The following CELF2 variants were observed in gnomAD, a reference collection of about 807,000 sequenced individuals.
CELF2 encodes CUGBP Elav-like family member 2.
CELF2 carries 8 observed loss-of-function variants against 62.6 expected under a neutral mutation model. The observed-to-expected ratio is 0.13, with a 90% CI of 0.07 to 0.23. The LOEUF (loss-of-function observed/expected upper bound fraction) is 0.23, where lower values mean the gene tolerates loss of function less well. Among genes scored for constraint, CELF2 ranks in the 10% least tolerant of loss-of-function variants. CELF2 has a pLI of 1.00. For synonymous variants in CELF2, 258 were observed against 250.0 expected (o/e 1.03, Z -0.30); for missense variants, 333 against 671.0 (o/e 0.50, Z 5.56).
intron 2 of CELF2, among the ~76,000 whole-genome samples, chr10:10,942,529 A>C (rs2047164246): frequency 6.6e-6 from 1 of 152,192 alleles, no homozygotes; most frequent in Non-Finnish European, 1.5e-5. Flanking sequence ...CTTCCATTGT[A>C]AGAAACAAGA....
chr10:10,966,789 T>A (rs887722402), intron 2 of CELF2: 1 of 152,154 alleles, frequency 6.6e-6, no homozygotes, highest in Non-Finnish European at 1.5e-5. Context: ...TGTATCCCCG[T>A]GCCCCGGAGC....
the CELF2 span, among the ~76,000 whole-genome samples, chr10:10,707,059 G>T: frequency 6.6e-6 from 1 of 152,154 alleles, no homozygotes. Context: ...AACCCTAGGG[G>T]GTCAATGCTG....
intron 2 of CELF2, among the ~76,000 whole-genome samples, chr10:11,166,211 C>G (rs1222178016): frequency 6.6e-6 from 1 of 152,202 alleles, no homozygotes; most frequent in Non-Finnish European, 1.5e-5. Flanking sequence ...TCCTGGGGGT[C>G]AGGTGGGGAC....
At chr10:11,262,910 G>GCAT (rs2081089757) in intron 5 of CELF2, among the ~76,000 whole-genome samples, 1 of 107,508 alleles carries the variant, frequency 9.3e-6, no homozygotes, top group East Asian at 3.3e-4. Context: ...AGAGGCCCTG[G>GCAT]CATTGTTCAT....
At chr10:11,022,815 T>C (rs888487779) in intron 1 of CELF2, among the ~76,000 whole-genome samples, 4 of 152,206 alleles carry the variant, frequency 2.6e-5, no homozygotes, top group African/African-American at 9.7e-5. Context: ...TTGAGACTTA[T>C]ATGTAGATTA....
At chr10:10,903,106 C>G (rs2063064283) in intron 1 of CELF2, among the ~76,000 whole-genome samples, 1 of 152,164 alleles carries the variant, frequency 6.6e-6, no homozygotes, top group Non-Finnish European at 1.5e-5. Flanking sequence ...CTTTGGAGCT[C>G]CTCAGTACCA....
In CELF2 at chr10:11,244,728, C is replaced by A. The variant is rs952998258; in HGVS notation, c.355-4425C>A. ...TCCTCTGTTGGTTAGGATATCGTATCATTGTTCTTGATCAACAGTAGGGCC... is the reference window on the plus strand; with the variant it reads ...TCCTCTGTTGGTTAGGATATCGTATAATTGTTCTTGATCAACAGTAGGGCC... On this transcript the variant is annotated intron_variant, in intron 3 of 12. Transcript: ENST00000633077. The surrounding 1 kb of genome is among the most constrained non-coding windows in gnomAD (Gnocchi z 4.2). Among the ~76,000 whole-genome samples, 3 of 151,618 alleles carry A rather than the reference C, an allele frequency of 2.0e-5. No homozygotes were observed. Among genetic ancestry groups the A allele is most frequent in the South Asian group, 4.1e-4 (2 of 4,824 alleles).
the CELF2 span, among the ~76,000 whole-genome samples, chr10:10,510,770 G>A: frequency 6.6e-6 from 1 of 152,200 alleles, no homozygotes; most frequent in South Asian, 2.1e-4. Context: ...GCAGTTGATG[G>A]ACTCTTCTGG....
chr10:10,586,132 A>G, the CELF2 span, among the ~76,000 whole-genome samples: 1 of 152,152 alleles, frequency 6.6e-6, no homozygotes, highest in African/African-American at 2.4e-5. Flanking sequence ...TACTCTCACA[A>G]CTCTGAGGCA....
intron 1 of CELF2, among the ~76,000 whole-genome samples, chr10:11,112,970 C>G (rs1296361351): frequency 6.6e-6 from 1 of 152,004 alleles, no homozygotes; most frequent in East Asian, 1.9e-4. Flanking sequence ...CATGCGTAGC[C>G]TATATCTGAA....
rs1269719721 is a variant in CELF2, at chr10:11,332,075, T to G, written c.*3022T>G. The G allele has an allele frequency of 6.6e-6, 1 of 152,240 alleles. No homozygotes were observed. Among genetic ancestry groups the G allele is most frequent in the African/African-American group, 2.4e-5 (1 of 41,460 alleles). The allele number at this position is 152,240 out of a possible 1,614,324, so 9.4% of individuals were successfully genotyped here. On this transcript the variant is annotated 3_prime_UTR_variant, in exon 13 of 13. Transcript: ENST00000633077. ...ACACTACTTTTACTACTTTTGATTA[T>G]TTCTCATTTTTGGGAAAAGAATTCC...
chr10:11,022,860 T>C (rs1270922755), intron 1 of CELF2, among the ~76,000 whole-genome samples: 1 of 152,192 alleles, frequency 6.6e-6, no homozygotes, highest in East Asian at 1.9e-4. Context: ...GAATTTTTTG[T>C]AAAAACCGAC....
chr10:11,145,729 G>A lies in CELF2; in HGVS notation c.75-19757G>A, dbSNP rs2062142995. On this transcript the variant is annotated intron_variant, in intron 1 of 12. Coordinates refer to ENST00000633077, the MANE Select transcript of CELF2 (RefSeq NM_001326342.2). The surrounding 1 kb of genome is among the most constrained non-coding windows in gnomAD (Gnocchi z 4.3). ...TTAGAAAATCCAGCCAGGCCTCTGT[G>A]GTAGATAAGAAGTTGCTTCATTTAT... 6.6e-6 allele frequency among the ~76,000 whole-genome samples: 1 copy of A among 152,102 alleles called. No individual in the cohort carries two copies. The highest frequency in any genetic ancestry group is 2.1e-4 in the South Asian group (1 of 4,824).
the CELF2 span, among the ~76,000 whole-genome samples, chr10:10,606,528 A>T: frequency 1.3e-5 from 2 of 152,200 alleles, no homozygotes; most frequent in African/African-American, 4.8e-5. Flanking sequence ...GCCACTCTCA[A>T]GGCCCTTAGC....
chr10:11,266,879 G>A (rs1352395628), intron 6 of CELF2, among the ~76,000 whole-genome samples: 2 of 151,942 alleles, frequency 1.3e-5, no homozygotes, highest in African/African-American at 4.8e-5. Context: ...GACTTGAAAT[G>A]CATTTAGGAA....
chr10:10,618,497 C>A, the CELF2 span, among the ~76,000 whole-genome samples: 1 of 152,136 alleles, frequency 6.6e-6, no homozygotes, highest in Admixed American at 6.5e-5. Context: ...CAACTCCAGC[C>A]CATATAATTG....
rs1347104983 is a variant in CELF2, at chr10:11,211,805, AGAGAGAGAGT to A, written c.272-5618_272-5609del. The stretch of plus-strand genomic sequence containing the variant: ...GTGTATGTGTGTGAGAGAGAGAGAG[AGAGAGAGAGT>A]GTGTGTGTGTGTGTGTGTGTGTGTG... On this transcript the variant is annotated intron_variant, in intron 2 of 12. Coordinates refer to ENST00000633077, the MANE Select transcript of CELF2 (RefSeq NM_001326342.2). The surrounding 1 kb of genome is among the most constrained non-coding windows in gnomAD (Gnocchi z 4.8). Among the ~76,000 whole-genome samples, 100 of 119,956 alleles carry A rather than the reference AGAGAGAGAGT, an allele frequency of 8.3e-4. No homozygotes were observed. Among genetic ancestry groups the A allele is most frequent in the Middle Eastern group, 4.3e-3 (1 of 234 alleles). 78.7% of individuals were successfully genotyped at this position (119,956 alleles called of 152,430 possible). A position where few individuals can be genotyped will look rare whatever the true frequency, so the allele number is the denominator to read the frequency against.
Position 11,321,707 on chromosome 10 carries a change from CA to C in CELF2, c.1294+326del, listed in dbSNP as rs2095448447. 6.6e-6 allele frequency among the ~76,000 whole-genome samples: 1 copy of C among 152,090 alleles called. No individual in the cohort carries two copies. The highest frequency in any genetic ancestry group is 2.4e-5 in the African/African-American group (1 of 41,398). ...CATACCCCTCTCTCTCAAACAAAAG[CA>C]AAAACCTATTTATTTCAGTCTTTCT... On this transcript the variant is annotated intron_variant, in intron 11 of 12. Transcript: ENST00000633077. This position sits in a 1 kb window ranked among gnomAD's most constrained non-coding sequence, Gnocchi z 6.2.
At chr10:10,890,012 G>A (rs2062019107) in intron 1 of CELF2, among the ~76,000 whole-genome samples, 1 of 152,104 alleles carries the variant, frequency 6.6e-6, no homozygotes, top group Non-Finnish European at 1.5e-5. Context: ...AAAGTATACA[G>A]TTTCCTGAGA....
Sources: gnomAD v4.1 joint callset for allele counts (sites outside exome capture counted in the v4.1 genomes callset) on GRCh38, gnomAD v4.1.1 for gene constraint, Gnocchi (gnomAD v3.1) non-coding constraint, MANE v1.5 for transcripts, NCBI Gene and HGNC (gene_info 2026-07-23, HGNC 2026-07-21) for gene names.